Variants in CHID1 observed in about 807,000 individuals in gnomAD.
CHID1 encodes chitinase domain-containing protein 1.
CHID1 carries 44 observed loss-of-function variants against 55.4 expected under a neutral mutation model. The ratio of observed to expected loss-of-function variants is 0.79; its 90% CI spans 0.62 to 1.02. The LOEUF (loss-of-function observed/expected upper bound fraction) is 1.02, where lower values mean the gene tolerates loss of function less well. Among genes scored for constraint, CHID1 ranks in the 50% least tolerant of loss-of-function variants. CHID1 has a pLI of 0.00. For synonymous variants in CHID1, 216 were observed against 212.9 expected, an observed-to-expected ratio of 1.01 and a Z score of -0.13; for missense variants, 491 against 515.3, an observed-to-expected ratio of 0.95 and a Z score of 0.46.
intron 1 of CHID1, 49 bp from the exon 2 acceptor site, chr11:904,908 A>C (rs1406838232): frequency 5.6e-6 from 9 of 1,593,278 alleles, no homozygotes; most frequent in Non-Finnish European, 7.7e-6. Context: ...GAAATGCAGC[A>C]CATGGGCAAC....
intron 8 of CHID1, among the ~76,000 whole-genome samples, chr11:887,854 C>T (rs1429132739): frequency 6.6e-6 from 1 of 152,270 alleles, no homozygotes; most frequent in East Asian, 1.9e-4. Context: ...GCCTTGGCCA[C>T]ACCAGGCACT....
chr11:884,253 T>A (rs1850232078), intron 8 of CHID1, 84 bp from the exon 9 acceptor site: 1 of 1,019,396 alleles, frequency 9.8e-7, no homozygotes, highest in Admixed American at 2.1e-5. Context: ...AAGCTGCCTG[T>A]AGGGGACTTG....
chr11:885,686 G>A (rs564636153), intron 8 of CHID1, among the ~76,000 whole-genome samples: 86 of 151,440 alleles, frequency 5.7e-4, no homozygotes, highest in Non-Finnish European at 7.4e-4. Flanking sequence ...ACCTCCCTCT[G>A]GGCCGAGGCC....
chr11:897,759 C>T (rs562497278), intron 7 of CHID1, among the ~76,000 whole-genome samples: 1 of 152,204 alleles, frequency 6.6e-6, no homozygotes, highest in Non-Finnish European at 1.5e-5. Context: ...TGGACACATC[C>T]GGTGGGGGGC....
At chr11:877,166 C>T (rs1022563202) in intron 10 of CHID1, among the ~76,000 whole-genome samples, 2 of 152,220 alleles carry the variant, frequency 1.3e-5, no homozygotes, top group South Asian at 2.1e-4. Context: ...CACCCCCACA[C>T]GCTCACATAC....
At chr11:913,436 T>C (rs777326752), upstream of CHID1, among the ~76,000 whole-genome samples, 2 of 152,146 alleles carry the variant, frequency 1.3e-5, no homozygotes, top group Non-Finnish European at 2.9e-5. Flanking sequence ...AATTGCTTAA[T>C]TGAGTTTATA....
chr11:891,313 C>T (rs910193686), intron 8 of CHID1, among the ~76,000 whole-genome samples: 11 of 152,290 alleles, frequency 7.2e-5, no homozygotes, highest in African/African-American at 2.2e-4. Flanking sequence ...GCCTCGGCCC[C>T]GCCCCCAGCC....
intron 1 of CHID1, 60 bp from the exon 2 acceptor site, chr11:904,919 C>T (rs931285844): frequency 6.4e-7 from 1 of 1,564,726 alleles, no homozygotes; most frequent in African/African-American, 1.3e-5. Flanking sequence ...CATGGGCAAC[C>T]CCTCTGCTGA....
rs185557507 is a variant in CHID1, at chr11:869,650, G to C, written c.*208C>G. 11 of 591,760 alleles carry C rather than the reference G, an allele frequency of 1.9e-5. No homozygotes were observed. The highest frequency in any genetic ancestry group is 3.0e-5 in the Non-Finnish European group (10 of 333,380). The allele number at this position is 591,760 out of a possible 1,614,324, so 36.7% of individuals were successfully genotyped here. On this transcript the variant is annotated 3_prime_UTR_variant, in exon 13 of 13. Coordinates refer to ENST00000323578, the MANE Select transcript of CHID1 (RefSeq NM_023947.4). Reference sequence around the variant, plus strand: ...GCGGATGCCCGGGTGGGAGGGGCTCGAGCTCTCAGGGTGTCCCCCAGCTAG... The same window carrying C: ...GCGGATGCCCGGGTGGGAGGGGCTCCAGCTCTCAGGGTGTCCCCCAGCTAG...
At position 870,118 on chromosome 11, in the gene CHID1, C is replaced by T; in HGVS notation, c.1083+3G>A. On this transcript the variant is annotated splice_donor_region_variant and intron_variant, in intron 12 of 12. Coordinates refer to ENST00000323578, the MANE Select transcript of CHID1 (RefSeq NM_023947.4). The stretch of plus-strand genomic sequence containing the variant: ...CCGGTCCCACGGCTGGCAGCACACG[C>T]ACCTTCAGGGTTGGGTAGAAGACGA... The T allele has an allele frequency of 1.9e-6, 3 of 1,612,974 alleles. No homozygotes were observed. The highest frequency in any genetic ancestry group is 1.7e-6 in the Non-Finnish European group (2 of 1,179,958).
Position 870,156 on chromosome 11 carries a change from T to C in CHID1, c.1048A>G (p.Ser350Gly), listed in dbSNP as rs370593417. Residue 350 changes from serine to glycine, a missense_variant, in exon 12 of 13, where the codon AGT becomes GGT. Coordinates refer to ENST00000323578, the MANE Select transcript of CHID1 (RefSeq NM_023947.4). ...EHFFEYKKSR[S>G]GRHVVFYPTL... Reference sequence around the variant, plus strand: ...GGGTAGAAGACGACGTGCCTCCCACTGCGGCTCCTGCAAGACAAAGGGACT... The same window carrying C: ...GGGTAGAAGACGACGTGCCTCCCACCGCGGCTCCTGCAAGACAAAGGGACT... 1.9e-6 allele frequency: 3 copies of C among 1,612,896 alleles called. No individual in the cohort carries two copies. The highest frequency in any genetic ancestry group is 2.7e-5 in the African/African-American group (2 of 74,878).
rs112323449 is a variant in CHID1 at position 906,535 on chromosome 11, C to T, written c.-43-1676G>A. Among the ~76,000 whole-genome samples the T allele has an allele frequency of 2.2e-3, 333 of 152,228 alleles. 1 individual carries two copies. Among genetic ancestry groups the T allele is most frequent in the African/African-American group, 3.8e-3 (157 of 41,542 alleles). ...CCAGCCATGGGGGATTTTCCACATA[C>T]GTTGAAAACATGAGGATGTTCATGG... On this transcript the variant is annotated intron_variant, in intron 1 of 12. Coordinates refer to ENST00000323578, the MANE Select transcript of CHID1 (RefSeq NM_023947.4).
chr11:902,312 C>T lies in CHID1; in HGVS notation c.280G>A (p.Asp94Asn), dbSNP rs373864240. 24 of 1,613,002 alleles carry T rather than the reference C, an allele frequency of 1.5e-5. No homozygotes were observed. The highest frequency in any genetic ancestry group is 1.7e-5 in the Admixed American group (1 of 60,002). ...TTGCTCCCAAAGACCTTGGTGACAT[C>T]GTAGCCATGGCTGTTCCACTGGCAA... Reference protein sequence around the residue: ...YVTPWNSHGYDVTKVFGSKFT... With the variant: ...YVTPWNSHGYNVTKVFGSKFT... Residue 94 changes from aspartate (D) to asparagine (N), a missense_variant, in exon 4 of 13, where the codon GAT (aspartate) becomes AAT (asparagine). Transcript: ENST00000323578.
At chr11:884,256 G>A in intron 8 of CHID1, 87 bp from the exon 9 acceptor site, 1 of 962,664 alleles carries the variant, frequency 1.0e-6, no homozygotes, top group Admixed American at 2.3e-5. Context: ...CTGCCTGTAG[G>A]GGACTTGGGT....
intron 10 of CHID1, among the ~76,000 whole-genome samples, chr11:882,036 A>G (rs527609880): frequency 5.3e-5 from 8 of 149,602 alleles, no homozygotes; most frequent in Non-Finnish European, 8.9e-5. Flanking sequence ...ACAGAGAAAA[A>G]AGAATCCCAG....
intron 8 of CHID1, among the ~76,000 whole-genome samples, chr11:890,360 C>T (rs2134226773): frequency 6.6e-6 from 1 of 152,374 alleles, no homozygotes; most frequent in South Asian, 2.1e-4. Context: ...GTGACGGCGC[C>T]CCCATGCGTC....
chr11:910,386 A>T (rs1322045058), intron 1 of CHID1, among the ~76,000 whole-genome samples: 1 of 151,972 alleles, frequency 6.6e-6, no homozygotes, highest in Non-Finnish European at 1.5e-5. Flanking sequence ...GCGCGCTCAC[A>T]CACTCCTCAC....
rs916211784 is a variant in CHID1, at chr11:868,992, G to C, written c.*866C>G. 1 of 152,348 alleles carries C rather than the reference G, an allele frequency of 6.6e-6. No homozygotes were observed. Among genetic ancestry groups the C allele is most frequent in the African/African-American group, 2.4e-5 (1 of 41,456 alleles). The allele number at this position is 152,348 out of a possible 1,614,324, so 9.4% of individuals were successfully genotyped here. ...GACAGGATGGTGACGAGGGGCAGGG[G>C]AACGAGGGCCACCAGGCCTTGGCTC... On this transcript the variant is annotated 3_prime_UTR_variant, in exon 13 of 13. Coordinates refer to ENST00000323578, the MANE Select transcript of CHID1 (RefSeq NM_023947.4).
At chr11:891,068 T>C (rs1268058699) in intron 8 of CHID1, among the ~76,000 whole-genome samples, 1 of 152,006 alleles carries the variant, frequency 6.6e-6, no homozygotes, top group African/African-American at 2.4e-5. Flanking sequence ...TCCTCTGCAG[T>C]GGCTGCTCTT....
Sources: allele counts gnomAD v4.1 joint callset (sites outside exome capture counted in the v4.1 genomes callset), GRCh38; gene constraint gnomAD v4.1.1; transcripts MANE v1.5; gene names NCBI Gene and HGNC (gene_info 2026-07-23, HGNC 2026-07-21).